The following FRMD5 variants were observed in gnomAD, a reference collection of about 807,000 sequenced individuals.
FRMD5 encodes the protein FERM domain-containing protein 5.
FRMD5 carries 20 observed loss-of-function variants against 69.0 expected under a neutral mutation model. The observed-to-expected ratio is 0.29, with a 90% CI of 0.20 to 0.42. FRMD5 has a LOEUF of 0.42. Among genes scored for constraint, FRMD5 ranks in the 10% least tolerant of loss-of-function variants. The pLI is 1.00. For synonymous variants in FRMD5, 271 were observed against 260.1 expected (o/e 1.04, Z -0.40); for missense variants, 595 against 708.6 (o/e 0.84, Z 1.82).
intron 1 of FRMD5, among the ~76,000 whole-genome samples, chr15:44,121,988 CAAAAAAAAAAAA>C (rs34129381): frequency 2.1e-4 from 15 of 70,014 alleles, no homozygotes; most frequent in Admixed American, 5.0e-4. Flanking sequence ...AAGGGAGACT[CAAAAAAAAAAAA>C]AAAAAAAAGG....
chr15:44,100,004 T>A (rs1336866236), intron 1 of FRMD5, among the ~76,000 whole-genome samples: 1 of 151,786 alleles, frequency 6.6e-6, no homozygotes, highest in East Asian at 1.9e-4. Context: ...ACACAAAAGC[T>A]GAAATCCAGT....
At chr15:44,105,923 T>C (rs1003873595) in intron 1 of FRMD5, among the ~76,000 whole-genome samples, 1 of 152,212 alleles carries the variant, frequency 6.6e-6, no homozygotes, top group African/African-American at 2.4e-5. Flanking sequence ...TTCAAGTCCC[T>C]TATATAAAAT....
intron 1 of FRMD5, among the ~76,000 whole-genome samples, chr15:43,970,555 C>T (rs1367613211): frequency 6.6e-6 from 1 of 152,178 alleles, no homozygotes; most frequent in African/African-American, 2.4e-5. Context: ...CTGCAACCTC[C>T]ACCTCCTGCC....
intron 1 of FRMD5, among the ~76,000 whole-genome samples, chr15:44,193,155 G>A (rs572692058): frequency 6.6e-6 from 1 of 152,218 alleles, no homozygotes; most frequent in African/African-American, 2.4e-5. Flanking sequence ...AAACCACAAG[G>A]TTAACAATCA....
chr15:44,116,535 T>C lies in FRMD5; in HGVS notation c.102+78418A>G, dbSNP rs539544070. Among the ~76,000 whole-genome samples, 6 of 152,250 alleles carry C rather than the reference T, an allele frequency of 3.9e-5. No homozygotes were observed. In the East Asian group the frequency reaches 1.2e-3, roughly 29 times the overall value. Reference sequence around the variant, plus strand: ...ACTGTCACAAAAGCATCTGAAGATGTCAAGTAGACATGTTGTTGCCAGCAT... The same window carrying C: ...ACTGTCACAAAAGCATCTGAAGATGCCAAGTAGACATGTTGTTGCCAGCAT... On this transcript the variant is annotated intron_variant, in intron 1 of 13. Coordinates refer to ENST00000417257, the MANE Select transcript of FRMD5 (RefSeq NM_032892.5).
At chr15:43,874,836 G>A (rs1332002571) in intron 13 of FRMD5, among the ~76,000 whole-genome samples, 2 of 152,194 alleles carry the variant, frequency 1.3e-5, no homozygotes, top group East Asian at 3.9e-4. Flanking sequence ...GGAGGCGGAG[G>A]TTGCAGTGAG....
intron 1 of FRMD5, among the ~76,000 whole-genome samples, chr15:44,000,452 T>C (rs150219011): frequency 6.6e-6 from 1 of 151,804 alleles, no homozygotes; most frequent in Non-Finnish European, 1.5e-5. Context: ...GATCACATGG[T>C]AGTTCTATTT....
At chr15:43,892,928 A>G (rs952158685) in intron 7 of FRMD5, among the ~76,000 whole-genome samples, 3 of 152,104 alleles carry the variant, frequency 2.0e-5, no homozygotes, top group African/African-American at 7.2e-5. Context: ...ACATGGTGAA[A>G]CCCCATCTCT....
upstream of FRMD5, among the ~76,000 whole-genome samples, chr15:44,196,797 T>C (rs1355217495): frequency 6.8e-6 from 1 of 146,712 alleles, no homozygotes; most frequent in Admixed American, 6.9e-5. Context: ...TCCCTCCCCC[T>C]TTTTCTTTCT....
chr15:43,906,802 C>T lies in FRMD5; in HGVS notation c.428-851G>A, dbSNP rs201809076. ...ATTTTTAGTAGAGACGGGGTTTCAC[C>T]GTGTTAGCCAGGATGGTCTCGATCT... On this transcript the variant is annotated intron_variant, in intron 5 of 13. Coordinates refer to ENST00000417257, the MANE Select transcript of FRMD5 (RefSeq NM_032892.5). 9.8e-5 allele frequency among the ~76,000 whole-genome samples: 14 copies of T among 142,822 alleles called. 1 individual carries two copies. Among genetic ancestry groups the T allele is most frequent in the East Asian group, 4.0e-4 (2 of 5,034 alleles). 93.7% of individuals were successfully genotyped at this position (142,822 alleles called of 152,430 possible).
intron 1 of FRMD5, among the ~76,000 whole-genome samples, chr15:44,125,098 A>G (rs1853407044): frequency 6.6e-6 from 1 of 152,202 alleles, no homozygotes; most frequent in African/African-American, 2.4e-5. Context: ...TAGGTTGTCA[A>G]TAAGAATGTT....
intron 1 of FRMD5, among the ~76,000 whole-genome samples, chr15:44,084,479 C>T (rs1204644658): frequency 1.3e-5 from 2 of 152,010 alleles, no homozygotes; most frequent in African/African-American, 4.8e-5. Flanking sequence ...TCAACTAATG[C>T]CAACTGTTAG....
chr15:44,096,206 C>CAAAAAAAAAAAAAAAAAAAAAAAAAAAAA (rs1213347011), intron 1 of FRMD5, among the ~76,000 whole-genome samples: 1 of 47,902 alleles, frequency 2.1e-5, no homozygotes, highest in Non-Finnish European at 4.1e-5. Flanking sequence ...AACTCCATCT[C>CAAAAAAAAAAAAAAAAAAAAAAAAAAAAA]AAAAAAAAAA....
intron 1 of FRMD5, among the ~76,000 whole-genome samples, chr15:44,084,803 T>C (rs1208742942): frequency 6.6e-6 from 1 of 152,174 alleles, no homozygotes; most frequent in Non-Finnish European, 1.5e-5. Flanking sequence ...GACACTTCAA[T>C]TGTTATATCT....
intron 1 of FRMD5, among the ~76,000 whole-genome samples, chr15:43,986,356 T>A (rs897952413): frequency 6.6e-6 from 1 of 152,174 alleles, no homozygotes; most frequent in Admixed American, 6.5e-5. Context: ...GTAACAGGAA[T>A]GTAAATAGGG....
rs1186059565 is a variant in FRMD5, at chr15:43,873,348, C to CAA, written c.*535_*536dup. ...TAAAAGTTCTGGCTGGCAAAAAAAA[C>CAA]AAACAAAAAACTAAACAGTCCCCAT... On this transcript the variant is annotated 3_prime_UTR_variant, in exon 14 of 14. Transcript: ENST00000417257. The CAA allele has an allele frequency of 2.1e-6, 3 of 1,462,216 alleles. No homozygotes were observed. The highest frequency in any genetic ancestry group is 2.5e-5 in the East Asian group (1 of 40,042). The allele number at this position is 1,462,216 out of a possible 1,614,324, so 90.6% of individuals were successfully genotyped here. A position where few individuals can be genotyped will look rare whatever the true frequency, so the allele number is the denominator to read the frequency against.
intron 1 of FRMD5, among the ~76,000 whole-genome samples, chr15:44,026,322 T>C (rs1891426910): frequency 6.6e-6 from 1 of 152,238 alleles, no homozygotes; most frequent in Non-Finnish European, 1.5e-5. Context: ...CAGTATGTTT[T>C]GTCTTAAGCA....
intron 1 of FRMD5, among the ~76,000 whole-genome samples, chr15:44,188,526 A>C (rs191664662): frequency 1.3e-5 from 2 of 152,134 alleles, no homozygotes; most frequent in Admixed American, 6.6e-5. Flanking sequence ...AGACTGCTGA[A>C]CTCCATCCCC....
intron 1 of FRMD5, among the ~76,000 whole-genome samples, chr15:44,065,788 GTGCTTTAGAGTTTACAAAGTTCC>G: frequency 6.6e-6 from 1 of 152,262 alleles, no homozygotes; most frequent in East Asian, 1.9e-4. Flanking sequence ...CTTATATGCA[GTGCTTTAGAGTTTACAAAGTTCC>G]TGCACTCATT....
Sources: gnomAD v4.1 joint callset for allele counts (sites outside exome capture counted in the v4.1 genomes callset) on GRCh38, gnomAD v4.1.1 for gene constraint, MANE v1.5 for transcripts, NCBI Gene and HGNC (gene_info 2026-07-23, HGNC 2026-07-21) for gene names.